Variants in EHD3 observed in about 807,000 individuals in gnomAD.
The protein encoded by EHD3 is EH domain containing 3, also known as EH domain-containing protein 3.
A neutral mutation model predicts 43.0 loss-of-function variants in EHD3; 17 were observed. That is an observed-to-expected ratio of 0.40 (90% confidence interval 0.27 to 0.59). The LOEUF is 0.59. EHD3 is among the 20% of genes least tolerant of loss of function. The probability of loss-of-function intolerance (pLI) is 0.49; values close to 1 mark genes in which losing one functional copy is unlikely to be tolerated. For missense variants in EHD3, 594 were observed against 705.6 expected (o/e 0.84, Z 1.79); for synonymous variants, 313 against 289.5 (o/e 1.08, Z -0.82).
intron 3 of EHD3, among the ~76,000 whole-genome samples, chr2:31,254,955 C>T (rs1683722164): frequency 6.6e-6 from 1 of 152,226 alleles, no homozygotes; most frequent in African/African-American, 2.4e-5. Context: ...TGTGAGGGCC[C>T]AGGCACTGCA....
intron 3 of EHD3, among the ~76,000 whole-genome samples, chr2:31,250,796 G>C (rs984796061): frequency 6.6e-5 from 10 of 152,182 alleles, no homozygotes; most frequent in African/African-American, 2.4e-4. Flanking sequence ...TCAGCACTCA[G>C]AAGTCAGCCT....
chr2:31,266,234 G>C lies in EHD3; in HGVS notation c.1138G>C (p.Glu380Gln). Residue 380 changes from glutamate (E) to glutamine (Q), a missense_variant, in exon 6 of 6, where the codon GAG (glutamate) becomes CAG (glutamine). This residue lies in a region of EHD3 where 322 missense variants were observed against 348.0 expected (regional missense o/e 0.93). Transcript: ENST00000322054. This position sits in a 1 kb window ranked among gnomAD's most constrained non-coding sequence, Gnocchi z 5.1. ...KFQPLKSKLL[E>Q]VVDDMLAHDI... Reference sequence around the variant, plus strand: ...CCAGCCGCTGAAGAGCAAGCTGCTGGAGGTAGTGGACGACATGCTGGCCCA... The same window carrying C: ...CCAGCCGCTGAAGAGCAAGCTGCTGCAGGTAGTGGACGACATGCTGGCCCA... 6.2e-7 allele frequency: 1 copy of C among 1,614,170 alleles called. No homozygotes were observed. The highest frequency in any genetic ancestry group is 8.5e-7 in the Non-Finnish European group (1 of 1,180,006).
At chr2:31,248,934 G>T (rs1350542639) in intron 2 of EHD3, among the ~76,000 whole-genome samples, 2 of 152,152 alleles carry the variant, frequency 1.3e-5, no homozygotes, top group African/African-American at 4.8e-5. Flanking sequence ...GAGCCAGGGG[G>T]TCTTCTCATT....
intron 5 of EHD3, among the ~76,000 whole-genome samples, chr2:31,262,117 A>G (rs1190597125): frequency 6.6e-6 from 1 of 152,190 alleles, no homozygotes; most frequent in African/African-American, 2.4e-5. Context: ...CTTGTGAGCA[A>G]TCTGGGACAC....
Position 31,260,666 on chromosome 2 carries a change from A to C in EHD3, c.659A>C (p.Lys220Thr), listed in dbSNP as rs1245618641. 1 of 1,614,040 alleles carries C rather than the reference A, an allele frequency of 6.2e-7. No individual in the cohort carries two copies. The highest frequency in any genetic ancestry group is 1.3e-5 in the African/African-American group (1 of 74,918). Residue 220 changes from lysine (K) to threonine (T), a missense_variant, in exon 4 of 6, where the codon AAA (lysine) becomes ACA (threonine). This residue lies in a region of EHD3 where 243 missense variants were observed against 296.7 expected (regional missense o/e 0.82). Transcript: ENST00000322054. This position sits in a 1 kb window ranked among gnomAD's most constrained non-coding sequence, Gnocchi z 4.6. ...GACAAGATGCGAGTGGTGCTGAACA[A>C]AGCTGACCAGATCGAGACGCAGCAG... ...HEDKMRVVLN[K>T]ADQIETQQLM...
In EHD3 at chr2:31,269,314, C is replaced by CCT. The variant is rs1184401424; in HGVS notation, c.*2611_*2612dup. The CCT allele has an allele frequency of 1.3e-5, 2 of 152,176 alleles. No homozygotes were observed. Among genetic ancestry groups the CCT allele is most frequent in the African/African-American group, 4.8e-5 (2 of 41,440 alleles). The allele number at this position is 152,176 out of a possible 1,614,324, so 9.4% of individuals were successfully genotyped here. On this transcript the variant is annotated 3_prime_UTR_variant, in exon 6 of 6. Coordinates refer to ENST00000322054, the MANE Select transcript of EHD3 (RefSeq NM_014600.3). Reference sequence around the variant, plus strand: ...TGCTACTGACCAAGCAAAGCTTGCCCCTGGTACCAAAGAGCTAAATCATGA... The same window carrying CCT: ...TGCTACTGACCAAGCAAAGCTTGCCCCTCTGGTACCAAAGAGCTAAATCATGA...
intron 3 of EHD3, among the ~76,000 whole-genome samples, chr2:31,259,400 A>G (rs886910171): frequency 3.3e-5 from 5 of 152,152 alleles, no homozygotes; most frequent in Non-Finnish European, 7.3e-5. Context: ...GGTAAGACCT[A>G]CTGGGGCTCT....
chr2:31,252,472 T>C (rs4951975), intron 3 of EHD3, among the ~76,000 whole-genome samples: 86,245 of 152,112 alleles, frequency 0.57, 24,867 homozygotes, highest in East Asian at 0.75. Context: ...GTTGTTGTTG[T>C]TGTTGCTGTT....
chr2:31,239,088 C>G lies in EHD3; in HGVS notation c.227+4240C>G, dbSNP rs572116154. On this transcript the variant is annotated intron_variant, in intron 1 of 5. Coordinates refer to ENST00000322054, the MANE Select transcript of EHD3 (RefSeq NM_014600.3). The stretch of plus-strand genomic sequence containing the variant: ...TCAGGAGACTCTGCAACCTCCCACC[C>G]CAAAGGTGCCTTCGCATTTGCTGTG... Among the ~76,000 whole-genome samples, 3 of 152,340 alleles carry G rather than the reference C, an allele frequency of 2.0e-5. 1 individual carries two copies. In the South Asian group the frequency reaches 6.2e-4, roughly 32 times the overall value.
chr2:31,259,252 A>G (rs913370942), intron 3 of EHD3, among the ~76,000 whole-genome samples: 6 of 152,186 alleles, frequency 3.9e-5, no homozygotes, highest in African/African-American at 1.2e-4. Flanking sequence ...CAGAATGGGA[A>G]AGCCTAACAC....
At chr2:31,234,998 T>G in intron 1 of EHD3, 150 bp downstream of exon 1, 1 of 764,622 alleles carries the variant, frequency 1.3e-6, no homozygotes, top group South Asian at 1.8e-5. Flanking sequence ...GGCGTCAAAA[T>G]CTTACCCCAC....
At chr2:31,243,680 TC>T (rs1172072350) in intron 1 of EHD3, among the ~76,000 whole-genome samples, 1 of 152,028 alleles carries the variant, frequency 6.6e-6, no homozygotes, top group Non-Finnish European at 1.5e-5. Flanking sequence ...GGTCTTGAAC[TC>T]CTGACCTTGT....
At position 31,260,715 on chromosome 2, in the gene EHD3, C is replaced by G. The variant is rs146929365; in HGVS notation, c.708C>G (p.Leu236=). The change falls in exon 4 of 6, where the codon CTC becomes CTG. Residue 236 remains leucine, a synonymous_variant. Transcript: ENST00000322054. This position sits in a 1 kb window ranked among gnomAD's most constrained non-coding sequence, Gnocchi z 4.6. ...AGCTGATGCGGGTGTACGGGGCCCTCATGTGGTCCTTGGGGAAGATCGTGA... is the reference window on the plus strand; with the variant it reads ...AGCTGATGCGGGTGTACGGGGCCCTGATGTGGTCCTTGGGGAAGATCGTGA... The part of the protein sequence containing the change: ...TQQLMRVYGA[L]MWSLGKIVNT... 6.2e-7 allele frequency: 1 copy of G among 1,614,214 alleles called. No homozygotes were observed. Among genetic ancestry groups the G allele is most frequent in the Admixed American group, 1.7e-5 (1 of 60,022 alleles).
intron 3 of EHD3, among the ~76,000 whole-genome samples, chr2:31,253,246 C>CA (rs1553403504): frequency 1.3e-4 from 19 of 142,106 alleles, no homozygotes; most frequent in Admixed American, 6.4e-4. Context: ...CAACCCCCTC[C>CA]CACACACACA....
chr2:31,237,686 G>A (rs1352085827), intron 1 of EHD3, among the ~76,000 whole-genome samples: 4 of 152,168 alleles, frequency 2.6e-5, no homozygotes, highest in South Asian at 4.1e-4. Flanking sequence ...GATTACAGAC[G>A]TGAACCACTG....
intron 1 of EHD3, among the ~76,000 whole-genome samples, chr2:31,241,072 A>G (rs1255925648): frequency 1.3e-5 from 2 of 152,218 alleles, no homozygotes; most frequent in East Asian, 3.9e-4. Context: ...ATCATATGAT[A>G]GCAGCAGCTT....
At position 31,239,978 on chromosome 2, in the gene EHD3, C is replaced by T. The variant is rs183764969; in HGVS notation, c.228-4296C>T. On this transcript the variant is annotated intron_variant, in intron 1 of 5. Transcript: ENST00000322054. Reference sequence around the variant, plus strand: ...GGTGCCGGGTAGTGCCCTGGGCGGGCTGGCCTGTCGCAAGGAGGCTGGACT... The same window carrying T: ...GGTGCCGGGTAGTGCCCTGGGCGGGTTGGCCTGTCGCAAGGAGGCTGGACT... Among the ~76,000 whole-genome samples the T allele has an allele frequency of 4.1e-3, 617 of 152,286 alleles. 2 individuals carry two copies. The highest frequency in any genetic ancestry group is 6.0e-3 in the Non-Finnish European group (410 of 67,996).
rs116895264 is a variant in EHD3 at position 31,261,413 on chromosome 2, G to A, written c.916-136G>A. On this transcript the variant is annotated intron_variant, in intron 4 of 5. Transcript: ENST00000322054. ...GCAACATGGAGCCATGAGGGTAGAG[G>A]TAGAAATTATTTCAAAAGTAGGAGC... 6,178 of 1,074,010 alleles carry A rather than the reference G, an allele frequency of 5.8e-3. 84 individuals carry two copies. The highest frequency in any genetic ancestry group is 0.039 in the East Asian group (1,618 of 41,594). The allele number at this position is 1,074,010 out of a possible 1,614,324, so 66.5% of individuals were successfully genotyped here.
chr2:31,243,057 A>C (rs949677630), intron 1 of EHD3, among the ~76,000 whole-genome samples: 1 of 152,192 alleles, frequency 6.6e-6, no homozygotes, highest in Non-Finnish European at 1.5e-5. Context: ...CAGGCGGATC[A>C]CCTGACGTCA....
Sources: allele counts gnomAD v4.1 joint callset (sites outside exome capture counted in the v4.1 genomes callset), GRCh38; gene constraint gnomAD v4.1.1; regional missense constraint gnomAD v4.1.1; non-coding constraint Gnocchi (gnomAD v3.1); transcripts MANE v1.5; gene names NCBI Gene and HGNC (gene_info 2026-07-23, HGNC 2026-07-21).